The following JAZF1 variants were observed in gnomAD, a reference collection of about 807,000 sequenced individuals.
The protein encoded by JAZF1 is JAZF zinc finger 1.
Under a neutral mutation model 26.4 loss-of-function variants are expected in JAZF1, and 8 were observed. The ratio of observed to expected loss-of-function variants is 0.30; its 90% CI spans 0.18 to 0.55. The LOEUF is 0.55. Among genes scored for constraint, JAZF1 ranks in the 20% least tolerant of loss-of-function variants. The pLI is 0.94. For synonymous variants in JAZF1, 126 were observed against 122.3 expected, an observed-to-expected ratio of 1.03 and a Z score of -0.20; for missense variants, 199 against 322.0, an observed-to-expected ratio of 0.62 and a Z score of 2.92.
chr7:28,073,111 A>G (rs1259711866), intron 1 of JAZF1, among the ~76,000 whole-genome samples: 1 of 152,192 alleles, frequency 6.6e-6, no homozygotes, highest in Non-Finnish European at 1.5e-5. Context: ...TTCCCACAAA[A>G]CACAACACTA....
intron 1 of JAZF1, 164 bp from the exon 2 acceptor site, chr7:27,992,145 C>T (rs1297645526): frequency 1.5e-6 from 1 of 685,056 alleles, no homozygotes; most frequent in Admixed American, 2.0e-5. Flanking sequence ...TTCATTCATT[C>T]ATAAATAACA....
chr7:28,121,807 C>T (rs1188610490), intron 1 of JAZF1, among the ~76,000 whole-genome samples: 1 of 152,342 alleles, frequency 6.6e-6, no homozygotes, highest in Middle Eastern at 3.4e-3. Context: ...TGTTGTTTTA[C>T]ACAGCTTTCC....
At chr7:27,993,424 T>C in intron 1 of JAZF1, among the ~76,000 whole-genome samples, 1 of 152,192 alleles carries the variant, frequency 6.6e-6, no homozygotes, top group East Asian at 1.9e-4. Context: ...AAACCACTCT[T>C]CACGGGGAAA....
intron 1 of JAZF1, among the ~76,000 whole-genome samples, chr7:28,057,486 GT>G (rs1262301587): frequency 2.6e-5 from 4 of 152,092 alleles, no homozygotes; most frequent in African/African-American, 9.7e-5. Flanking sequence ...ATCATCTTAT[GT>G]GATAAAAACA....
intron 1 of JAZF1, among the ~76,000 whole-genome samples, chr7:28,082,577 C>A (rs1476759547): frequency 6.6e-6 from 1 of 152,124 alleles, no homozygotes; most frequent in Non-Finnish European, 1.5e-5. Flanking sequence ...CATGTATAAC[C>A]AGTAGCTCCC....
intron 3 of JAZF1, among the ~76,000 whole-genome samples, chr7:27,877,274 T>C (rs727663): frequency 0.74 from 112,432 of 152,190 alleles, 42,091 homozygotes; most frequent in African/African-American, 0.85. Context: ...AAGCCTTCTC[T>C]GAGAAATATG....
At chr7:27,960,321 C>T (rs978403302) in intron 2 of JAZF1, among the ~76,000 whole-genome samples, 1 of 152,216 alleles carries the variant, frequency 6.6e-6, no homozygotes, top group Admixed American at 6.5e-5. Context: ...CCTCTAAATG[C>T]TAATTTTTAA....
At chr7:28,159,982 T>C (rs1320577972) in intron 1 of JAZF1, among the ~76,000 whole-genome samples, 2 of 152,302 alleles carry the variant, frequency 1.3e-5, no homozygotes, top group Admixed American at 6.5e-5. Flanking sequence ...AAATGGCTAC[T>C]TCATGAGTTT....
chr7:27,953,628 G>A (rs1416307239), intron 2 of JAZF1, among the ~76,000 whole-genome samples: 1 of 152,208 alleles, frequency 6.6e-6, no homozygotes, highest in Non-Finnish European at 1.5e-5. Flanking sequence ...AGACTCCAAC[G>A]AGGTGGCATG....
intron 4 of JAZF1, among the ~76,000 whole-genome samples, chr7:27,834,616 AGTG>A (rs571742858): frequency 7.9e-4 from 121 of 152,322 alleles, no homozygotes; most frequent in African/African-American, 2.5e-3. Flanking sequence ...AGGGGAGGGT[AGTG>A]GTGGTGGTAG....
intron 1 of JAZF1, among the ~76,000 whole-genome samples, chr7:28,067,858 C>T (rs1048073736): frequency 1.5e-4 from 23 of 152,150 alleles, no homozygotes; most frequent in Non-Finnish European, 3.4e-4. Flanking sequence ...AGACTTCAGC[C>T]TCAGTCTCTC....
chr7:28,094,880 G>A (rs750924475), intron 1 of JAZF1, among the ~76,000 whole-genome samples: 2 of 151,842 alleles, frequency 1.3e-5, no homozygotes, highest in Non-Finnish European at 2.9e-5. Context: ...GCCCTCAATC[G>A]TCCTACCAAA....
At chr7:28,039,190 C>T (rs1172693958) in intron 1 of JAZF1, among the ~76,000 whole-genome samples, 1 of 152,150 alleles carries the variant, frequency 6.6e-6, no homozygotes, top group Non-Finnish European at 1.5e-5. Flanking sequence ...TGCAGGGCTC[C>T]TCCAAGAACA....
At chr7:27,850,395 C>T (rs1363084871) in intron 3 of JAZF1, among the ~76,000 whole-genome samples, 1 of 152,210 alleles carries the variant, frequency 6.6e-6, no homozygotes, top group Non-Finnish European at 1.5e-5. Flanking sequence ...CTGTCTCCTC[C>T]TTAACTATGG....
At chr7:28,126,558 T>C (rs1782695165) in intron 1 of JAZF1, among the ~76,000 whole-genome samples, 1 of 152,100 alleles carries the variant, frequency 6.6e-6, no homozygotes, top group East Asian at 1.9e-4. Flanking sequence ...AGGAATGACC[T>C]TGGAACAGCA....
At chr7:28,166,040 T>C (rs1011705964) in intron 1 of JAZF1, among the ~76,000 whole-genome samples, 3 of 152,066 alleles carry the variant, frequency 2.0e-5, no homozygotes, top group African/African-American at 7.2e-5. Context: ...GCCTGTTTTG[T>C]TAGACAAAAT....
chr7:27,845,901 A>T (rs1490882696), intron 3 of JAZF1, among the ~76,000 whole-genome samples: 1 of 150,944 alleles, frequency 6.6e-6, no homozygotes, highest in Non-Finnish European at 1.5e-5. Context: ...TCTCTCCTCT[A>T]CCCCACCCTT....
At chr7:27,924,323 G>A (rs1235777062) in intron 2 of JAZF1, among the ~76,000 whole-genome samples, 2 of 152,058 alleles carry the variant, frequency 1.3e-5, no homozygotes, top group Non-Finnish European at 2.9e-5. Flanking sequence ...TGATCCACCC[G>A]CCTCGGCCTC....
At chr7:27,930,121 G>A (rs764995045) in intron 2 of JAZF1, among the ~76,000 whole-genome samples, 3 of 151,852 alleles carry the variant, frequency 2.0e-5, no homozygotes, top group Non-Finnish European at 4.4e-5. Flanking sequence ...TCAGCCCCCC[G>A]AGTAGCTGGG....
Sources: gnomAD v4.1 joint callset for allele counts (sites outside exome capture counted in the v4.1 genomes callset) on GRCh38, gnomAD v4.1.1 for gene constraint, MANE v1.5 for transcripts, NCBI Gene and HGNC (gene_info 2026-07-23, HGNC 2026-07-21) for gene names.